MN1: variants seen among roughly 807,000 people sequenced by gnomAD.
MN1 encodes the protein MN1 proto-oncogene, transcriptional regulator, also known as transcriptional activator MN1.
A neutral mutation model predicts 86.9 loss-of-function variants in MN1; 19 were observed. That is an observed-to-expected ratio of 0.22 (90% confidence interval 0.15 to 0.32). The LOEUF (loss-of-function observed/expected upper bound fraction) is 0.32. Among genes scored for constraint, MN1 ranks in the 10% least tolerant of loss-of-function variants. The pLI is 1.00. For synonymous variants in MN1, 928 were observed against 849.6 expected, an observed-to-expected ratio of 1.09 and a Z score of -1.60; for missense variants, 1,841 against 1,862.0, an observed-to-expected ratio of 0.99 and a Z score of 0.21.
intron 1 of MN1, among the ~76,000 whole-genome samples, chr22:27,751,458 A>G (rs1932763985): frequency 6.6e-6 from 1 of 152,182 alleles, no homozygotes; most frequent in Non-Finnish European, 1.5e-5. Context: ...AGGGGCATCT[A>G]AACTGGGCAT....
rs377744818 is a variant in MN1 at position 27,760,518 on chromosome 22, T to G, written c.3782-9422A>C. ...AGCAAGACCCTGTCTCTAAAAAAAA[T>G]AAAGAAAGAAAGATTTTACATTTGA... On this transcript the variant is annotated intron_variant, in intron 1 of 1. Coordinates refer to ENST00000302326, the MANE Select transcript of MN1 (RefSeq NM_002430.3). Among the ~76,000 whole-genome samples, 586 of 147,242 alleles carry G rather than the reference T, an allele frequency of 4.0e-3. 2 individuals are homozygous for G. Among genetic ancestry groups the G allele is most frequent in the African/African-American group, 0.014 (529 of 38,346 alleles).
chr22:27,771,881 T>G (rs1411771000), intron 1 of MN1, among the ~76,000 whole-genome samples: 2 of 152,074 alleles, frequency 1.3e-5, no homozygotes, highest in African/African-American at 2.4e-5. Context: ...CCACAGCTGG[T>G]GGGAAGTGTT....
intron 1 of MN1, among the ~76,000 whole-genome samples, chr22:27,784,202 G>T (rs774754402): frequency 1.3e-5 from 2 of 152,178 alleles, no homozygotes; most frequent in African/African-American, 2.4e-5. Context: ...TGCACCTAGG[G>T]GATCACAGGC....
In MN1 at chr22:27,748,777, G is replaced by T. The variant is rs534356667; in HGVS notation, c.*2138C>A. On this transcript the variant is annotated 3_prime_UTR_variant, in exon 2 of 2. Coordinates refer to ENST00000302326, the MANE Select transcript of MN1 (RefSeq NM_002430.3). Reference sequence around the variant, plus strand: ...AGGTTGCCAGGACCATGAGCTAATTGGCAAAGTGTTGATGACTCAACGCTG... The same window carrying T: ...AGGTTGCCAGGACCATGAGCTAATTTGCAAAGTGTTGATGACTCAACGCTG... 4.5e-6 allele frequency: 1 copy of T among 223,584 alleles called. No homozygotes were observed. Among genetic ancestry groups the T allele is most frequent in the East Asian group, 6.5e-5 (1 of 15,396 alleles). The allele number at this position is 223,584 out of a possible 1,614,324, so 13.9% of individuals were successfully genotyped here.
rs1601318412 is a variant in MN1 at position 27,749,142 on chromosome 22, A to G, written c.*1773T>C. 1 of 231,866 alleles carries G rather than the reference A, an allele frequency of 4.3e-6. No homozygotes were observed. Among genetic ancestry groups the G allele is most frequent in the Non-Finnish European group, 8.5e-6 (1 of 117,270 alleles). The allele number at this position is 231,866 out of a possible 1,614,324, so 14.4% of individuals were successfully genotyped here. ...GCCCAGGCGAGAACCGCAGACTCAG[A>G]CCCCAGCCAAAAGGACCGGCAGAAG... On this transcript the variant is annotated 3_prime_UTR_variant, in exon 2 of 2. Transcript: ENST00000302326.
At chr22:27,765,723 A>G (rs1932864720) in intron 1 of MN1, among the ~76,000 whole-genome samples, 1 of 152,214 alleles carries the variant, frequency 6.6e-6, no homozygotes, top group Admixed American at 6.5e-5. Context: ...CCACAGCACT[A>G]TGAGAACCAA....
chr22:27,800,556 G>T lies in MN1; in HGVS notation c.-13C>A, dbSNP rs757253992. 2 of 1,613,836 alleles carry T rather than the reference G, an allele frequency of 1.2e-6. No homozygotes were observed. Among genetic ancestry groups the T allele is most frequent in the South Asian group, 1.1e-5 (1 of 91,092 alleles). On this transcript the variant is annotated 5_prime_UTR_variant, in exon 1 of 2. Transcript: ENST00000302326. ...CCAGCCCAAACATACTTGGCGGGGGGCAGAGGGGGATCAATAGGGCATGAC... is the reference window on the plus strand; with the variant it reads ...CCAGCCCAAACATACTTGGCGGGGGTCAGAGGGGGATCAATAGGGCATGAC...
In MN1 at chr22:27,799,487, G is replaced by A. The variant is rs955572144; in HGVS notation, c.1057C>T (p.Pro353Ser). The A allele has an allele frequency of 6.2e-6, 9 of 1,455,502 alleles. No homozygotes were observed. Among genetic ancestry groups the A allele is most frequent in the Middle Eastern group, 2.1e-4 (1 of 4,860 alleles). The allele number at this position is 1,455,502 out of a possible 1,614,324, so 90.2% of individuals were successfully genotyped here. ...GGCTGCTGCTGTGGCGGCTGCTGCG[G>A]GGGCTGCTGCTGAGGGGGTGGCGGG... ...QAPPPPQQQP[P>S]QQPPQQQPPP... Residue 353 changes from proline (P) to serine (S), a missense_variant, in exon 1 of 2, where the codon CCG becomes TCG. Pro to Ser is a moderately conservative substitution (Grantham distance 74). Coordinates refer to ENST00000302326, the MANE Select transcript of MN1 (RefSeq NM_002430.3).
At chr22:27,771,189 A>G (rs976068543) in intron 1 of MN1, among the ~76,000 whole-genome samples, 3 of 150,620 alleles carry the variant, frequency 2.0e-5, no homozygotes, top group Non-Finnish European at 4.4e-5. Flanking sequence ...CCCATGAGCT[A>G]AGAATGTTTT....
chr22:27,800,636 GGC>G lies in MN1; in HGVS notation c.-95_-94del. 1 of 1,578,748 alleles carries G rather than the reference GGC, an allele frequency of 6.3e-7. No homozygotes were observed. The highest frequency in any genetic ancestry group is 8.6e-7 in the Non-Finnish European group (1 of 1,167,188). ...AGCTACTCGTTCCAGCCCAGGATTG[GGC>G]GCTCCGGGACGCTCAGCACCGCGGG... On this transcript the variant is annotated 5_prime_UTR_variant, in exon 1 of 2. Coordinates refer to ENST00000302326, the MANE Select transcript of MN1 (RefSeq NM_002430.3).
rs750337114 is a variant in MN1, at chr22:27,798,924, TTGC to T, written c.1617_1619del (p.Gln550del). On this transcript the variant is annotated inframe_deletion, in exon 1 of 2. Transcript: ENST00000302326. ...GCTGCTGCTGCTGTTGCTGTTGCTG[TTGC>T]TGCTGCTGCTGCTGCTGTTGCTGCT... is the stretch of plus-strand genomic sequence containing the variant. 123 of 1,517,728 alleles carry T rather than the reference TTGC, an allele frequency of 8.1e-5. No homozygotes were observed. The highest frequency in any genetic ancestry group is 2.8e-4 in the South Asian group (24 of 84,926). The allele number at this position is 1,517,728 out of a possible 1,614,324, so 94.0% of individuals were successfully genotyped here.
chr22:27,763,069 C>T (rs1041737382), intron 1 of MN1, among the ~76,000 whole-genome samples: 6 of 152,018 alleles, frequency 3.9e-5, no homozygotes, highest in Admixed American at 1.3e-4. Context: ...CACTCTGGCC[C>T]GGGTGACAGA....
rs376328026 is a variant in MN1, at chr22:27,800,512, A to C, written c.32T>G (p.Val11Gly). Residue 11 changes from valine (V) to glycine (G), a missense_variant, in exon 1 of 2, where the codon GTC (valine) becomes GGC (glycine). Coordinates refer to ENST00000302326, the MANE Select transcript of MN1 (RefSeq NM_002430.3). ...GCCCTGGCCAGCGTTCCTGCTGTTG[A>C]CCTGGGGCTCGAATTGGTCCAGCCC... is the stretch of plus-strand genomic sequence containing the variant. MFGLDQFEPQ[V>G]NSRNAGQGER... 8.9e-5 allele frequency: 143 copies of C among 1,613,982 alleles called. No homozygotes were observed. The highest frequency in any genetic ancestry group is 1.1e-4 in the Non-Finnish European group (135 of 1,180,014).
chr22:27,767,840 G>T (rs1932881800), intron 1 of MN1, among the ~76,000 whole-genome samples: 1 of 152,084 alleles, frequency 6.6e-6, no homozygotes, highest in South Asian at 2.1e-4. Context: ...AAATTGGAGG[G>T]TAATTTTTTC....
intron 1 of MN1, among the ~76,000 whole-genome samples, chr22:27,774,095 T>C (rs997127190): frequency 2.6e-5 from 4 of 152,132 alleles, no homozygotes; most frequent in African/African-American, 4.8e-5. Context: ...TGTGCCCAGA[T>C]TCCCCCCAAC....
intron 1 of MN1, among the ~76,000 whole-genome samples, chr22:27,772,959 G>A (rs532063105): frequency 6.6e-6 from 1 of 151,682 alleles, no homozygotes; most frequent in Non-Finnish European, 1.5e-5. Context: ...AGGCTGGGGT[G>A]GGGGAGAATC....
In MN1 at chr22:27,799,239, C is replaced by G. The variant is rs1229031654; in HGVS notation, c.1305G>C (p.Gln435His). ...GCTGCAGCCGCTGGTTGGGCGCCTG[C>G]TGCGGAGGAGGATGCTGCATGCTGA... ...PVFSMQHPPP[Q>H]QAPNQRLQHF... Residue 435 changes from glutamine to histidine, a missense_variant, in exon 1 of 2, where the codon CAG becomes CAC. Coordinates refer to ENST00000302326, the MANE Select transcript of MN1 (RefSeq NM_002430.3). 3 of 1,591,864 alleles carry G rather than the reference C, an allele frequency of 1.9e-6. No homozygotes were observed. The Admixed American group carries it at 5.2e-5, about 27-fold the overall frequency.
chr22:27,751,802 T>C (rs1932766994), intron 1 of MN1, among the ~76,000 whole-genome samples: 1 of 152,162 alleles, frequency 6.6e-6, no homozygotes, highest in South Asian at 2.1e-4. Context: ...TTGGCACAGC[T>C]GAGCCACAAA....
chr22:27,755,088 C>T (rs1264581301), intron 1 of MN1, among the ~76,000 whole-genome samples: 1 of 152,206 alleles, frequency 6.6e-6, no homozygotes, highest in Non-Finnish European at 1.5e-5. Flanking sequence ...ACCCAGGGGT[C>T]ACCCACGGCC....
Sources: gnomAD v4.1 joint callset for allele counts (sites outside exome capture counted in the v4.1 genomes callset) on GRCh38, gnomAD v4.1.1 for gene constraint, MANE v1.5 for transcripts, NCBI Gene and HGNC (gene_info 2026-07-23, HGNC 2026-07-21) for gene names.